The following PIGF variants were observed in gnomAD, a reference collection of about 807,000 sequenced individuals.
PIGF encodes GPI ethanolamine phosphate transferase, stabilizing subunit.
Under a neutral mutation model 26.0 loss-of-function variants are expected in PIGF, and 23 were observed. The ratio of observed to expected loss-of-function variants is 0.88; its 90% CI spans 0.64 to 1.25. The LOEUF is 1.25. Among genes scored for constraint, PIGF ranks in the 50% most tolerant of loss-of-function variants. The pLI is 0.00. For synonymous variants in PIGF, 93 were observed against 92.6 expected, an observed-to-expected ratio of 1.00 and a Z score of -0.03; for missense variants, 278 against 249.9, an observed-to-expected ratio of 1.11 and a Z score of -0.76.
At chr2:46,586,229 C>T (rs138700383) in intron 5 of PIGF, among the ~76,000 whole-genome samples, 9 of 151,992 alleles carry the variant, frequency 5.9e-5, no homozygotes, top group African/African-American at 2.2e-4. Flanking sequence ...TTCATAAATT[C>T]GAAGAAACAA....
At chr2:46,607,898 A>G (rs545062460) in intron 4 of PIGF, among the ~76,000 whole-genome samples, 1 of 152,166 alleles carries the variant, frequency 6.6e-6, no homozygotes, top group Non-Finnish European at 1.5e-5. Context: ...GAGTTTCACC[A>G]TGTTGGCCAG....
At chr2:46,585,805 G>A (rs960723317) in intron 5 of PIGF, among the ~76,000 whole-genome samples, 2 of 151,158 alleles carry the variant, frequency 1.3e-5, no homozygotes, top group African/African-American at 2.4e-5. Flanking sequence ...ACGGACTCTC[G>A]CTCTGTCGCC....
chr2:46,613,235 GAA>G (rs891369766), intron 3 of PIGF, among the ~76,000 whole-genome samples: 1 of 151,950 alleles, frequency 6.6e-6, no homozygotes, highest in African/African-American at 2.4e-5. Flanking sequence ...TGTCAGTTCA[GAA>G]AAAGTGTTAA....
chr2:46,602,360 G>A (rs954885623), intron 4 of PIGF, among the ~76,000 whole-genome samples: 2 of 151,760 alleles, frequency 1.3e-5, no homozygotes, highest in South Asian at 4.1e-4. Flanking sequence ...GTTCTCTGTC[G>A]TCACATGACT....
chr2:46,608,483 T>G (rs1016868384), intron 4 of PIGF, among the ~76,000 whole-genome samples: 3 of 152,240 alleles, frequency 2.0e-5, no homozygotes, highest in Admixed American at 1.3e-4. Context: ...TCTCCTCCCT[T>G]GAATCACAAA....
chr2:46,609,779 G>C (rs574454047), intron 4 of PIGF, among the ~76,000 whole-genome samples: 60 of 152,222 alleles, frequency 3.9e-4, no homozygotes, highest in African/African-American at 1.3e-3. Flanking sequence ...CATTTATTAA[G>C]ATCGTCATCT....
chr2:46,581,413 G>T lies in PIGF; in HGVS notation c.*65C>A. The T allele has an allele frequency of 6.4e-7, 1 of 1,568,432 alleles. No individual in the cohort carries two copies. Among genetic ancestry groups the T allele is most frequent in the Non-Finnish European group, 8.6e-7 (1 of 1,156,188 alleles). ...GCTGTAAATGGAACTGCTTGGCTTT[G>T]ACCATACACATTTCTGCCCAGCCCT... On this transcript the variant is annotated 3_prime_UTR_variant, in exon 6 of 6. Coordinates refer to ENST00000281382, the MANE Select transcript of PIGF (RefSeq NM_002643.4).
intron 5 of PIGF, among the ~76,000 whole-genome samples, chr2:46,584,872 G>A (rs1669518067): frequency 6.6e-6 from 1 of 152,104 alleles, no homozygotes; most frequent in Non-Finnish European, 1.5e-5. Flanking sequence ...TGCCCACTAA[G>A]AACTATTCCT....
chr2:46,603,602 G>A (rs926067088), intron 4 of PIGF, among the ~76,000 whole-genome samples: 66 of 151,928 alleles, frequency 4.3e-4, no homozygotes, highest in African/African-American at 1.4e-3. Context: ...AACATACACC[G>A]GGGAAAGAGC....
intron 2 of PIGF, 143 bp from the exon 3 acceptor site, chr2:46,613,928 T>C (rs565897396): frequency 7.4e-6 from 5 of 679,062 alleles, no homozygotes; most frequent in Middle Eastern, 3.8e-4. Flanking sequence ...TCAGATCACA[T>C]GTCCTGTACC....
At chr2:46,594,371 G>A (rs543738204) in intron 4 of PIGF, among the ~76,000 whole-genome samples, 52 of 152,244 alleles carry the variant, frequency 3.4e-4, no homozygotes, top group Admixed American at 2.6e-3. Context: ...CTATTTTATG[G>A]AACAGGAGGA....
chr2:46,592,317 C>A (rs925140215), intron 5 of PIGF, among the ~76,000 whole-genome samples, 158 bp downstream of exon 5: 23 of 152,142 alleles, frequency 1.5e-4, no homozygotes, highest in Non-Finnish European at 2.2e-4. Context: ...CTGGACAGTC[C>A]CCATTAAGAA....
At chr2:46,582,352 G>A (rs1273793445) in intron 5 of PIGF, 1 of 151,844 alleles carries the variant, frequency 6.6e-6, no homozygotes, top group African/African-American at 2.4e-5. Context: ...GTACACTGGA[G>A]CCATTTCTAA....
In PIGF at chr2:46,581,494, G is replaced by A. The variant is rs769778617; in HGVS notation, c.644C>T (p.Thr215Ile). ...LWIYWNRKQLTYKNN is the reference protein window; with the variant it reads ...LWIYWNRKQLIYKNN Reference sequence around the variant, plus strand: ...TTGCTCCAGTTAATTGTTCTTGTATGTAAGTTGCTTTCTATTCCAGTATAT... The same window carrying A: ...TTGCTCCAGTTAATTGTTCTTGTATATAAGTTGCTTTCTATTCCAGTATAT... The change falls in exon 6 of 6, where the codon ACA becomes ATA. Residue 215 changes from threonine to isoleucine, a missense_variant. Coordinates refer to ENST00000281382, the MANE Select transcript of PIGF (RefSeq NM_002643.4). 1.9e-6 allele frequency: 3 copies of A among 1,611,212 alleles called. No individual in the cohort carries two copies. The highest frequency in any genetic ancestry group is 2.2e-5 in the South Asian group (2 of 90,908).
intron 4 of PIGF, among the ~76,000 whole-genome samples, chr2:46,608,216 A>G (rs932660281): frequency 6.6e-6 from 1 of 152,212 alleles, no homozygotes; most frequent in Non-Finnish European, 1.5e-5. Context: ...TGTCATTTCA[A>G]CAATATTCAT....
intron 3 of PIGF, 22 bp downstream of exon 3, chr2:46,613,672 A>C (rs1670500045): frequency 6.8e-7 from 1 of 1,472,546 alleles, no homozygotes; most frequent in African/African-American, 1.4e-5. Flanking sequence ...ATATAAATTT[A>C]GGGTAAAAAT....
intron 2 of PIGF, 141 bp from the exon 3 acceptor site, chr2:46,613,926 C>T (rs750865653): frequency 1.4e-6 from 1 of 698,292 alleles, no homozygotes; most frequent in Non-Finnish European, 2.4e-6. Flanking sequence ...AATCAGATCA[C>T]ATGTCCTGTA....
chr2:46,616,756 C>G (rs1314167050), intron 1 of PIGF: 1 of 171,840 alleles, frequency 5.8e-6, no homozygotes, highest in Non-Finnish European at 1.3e-5. Flanking sequence ...GATCAAAGAG[C>G]ATGGGAGTTG....
At chr2:46,597,338 G>C (rs1669918915) in intron 4 of PIGF, among the ~76,000 whole-genome samples, 3 of 152,126 alleles carry the variant, frequency 2.0e-5, no homozygotes, top group Non-Finnish European at 4.4e-5. Context: ...TAGATGCTTA[G>C]AGATGTTTTA....
Sources: allele counts gnomAD v4.1 joint callset (sites outside exome capture counted in the v4.1 genomes callset), GRCh38; gene constraint gnomAD v4.1.1; transcripts MANE v1.5; gene names NCBI Gene and HGNC (gene_info 2026-07-23, HGNC 2026-07-21).